Variants in CRTAC1 observed in about 807,000 individuals in gnomAD.
CRTAC1 encodes cartilage acidic protein 1.
In CRTAC1, 37 loss-of-function variants were observed where a neutral mutation model predicts 67.8. The ratio of observed to expected loss-of-function variants is 0.55; its 90% confidence interval spans 0.42 to 0.72. The LOEUF (loss-of-function observed/expected upper bound fraction) is 0.72. Among genes scored for constraint, CRTAC1 ranks in the 30% least tolerant of loss-of-function variants. The probability of loss-of-function intolerance (pLI) is 0.00; values close to 1 mark genes in which losing one functional copy is unlikely to be tolerated. For missense variants in CRTAC1, 780 were observed against 931.6 expected, an observed-to-expected ratio of 0.84 and a Z score of 2.12; for synonymous variants, 348 against 371.0, an observed-to-expected ratio of 0.94 and a Z score of 0.71.
At chr10:97,901,437 C>T in intron 8 of CRTAC1, 66 bp downstream of exon 8, 2 of 1,603,680 alleles carry the variant, frequency 1.2e-6, no homozygotes, top group Admixed American at 1.7e-5. Context: ...CTTAAACCTT[C>T]TCCCTGACCG....
Position 97,884,357 on chromosome 10 carries a change from G to T in CRTAC1, c.1487-6C>A. The stretch of plus-strand genomic sequence containing the variant: ...ACTGCTGGCTTCATCCTTCCCTGAG[G>T]GGCAGAAGGAGAGAGCATCAGCAGC... On this transcript the variant is annotated splice_region_variant and splice_polypyrimidine_tract_variant and intron_variant, in intron 11 of 14. Transcript: ENST00000370597. 6.4e-7 allele frequency: 1 copy of T among 1,550,944 alleles called. No individual in the cohort carries two copies. Among genetic ancestry groups the T allele is most frequent in the Non-Finnish European group, 8.7e-7 (1 of 1,146,928 alleles).
chr10:97,892,031 C>A (rs2050382185), intron 11 of CRTAC1, among the ~76,000 whole-genome samples: 1 of 152,166 alleles, frequency 6.6e-6, no homozygotes, highest in Non-Finnish European at 1.5e-5. Flanking sequence ...AAGAACAAAT[C>A]CCAGGGCCTT....
At chr10:97,943,775 C>T (rs2051215861) in intron 2 of CRTAC1, among the ~76,000 whole-genome samples, 1 of 152,336 alleles carries the variant, frequency 6.6e-6, no homozygotes, top group South Asian at 2.1e-4. Flanking sequence ...CACTTATGTA[C>T]TATCTATGGC....
At chr10:98,026,782 C>G (rs1843241963) in intron 1 of CRTAC1, among the ~76,000 whole-genome samples, 1 of 152,178 alleles carries the variant, frequency 6.6e-6, no homozygotes, top group African/African-American at 2.4e-5. Flanking sequence ...TCTGGCTTGG[C>G]AGCAGTGGGT....
In CRTAC1 at chr10:97,884,345, T is replaced by A; in HGVS notation, c.1493A>T (p.Asp498Val). The A allele has an allele frequency of 6.4e-7, 1 of 1,551,368 alleles. No individual in the cohort carries two copies. The highest frequency in any genetic ancestry group is 8.7e-7 in the Non-Finnish European group (1 of 1,147,144). ...EPVAHFGLGK[D>V]EASSVEVTWP... ...CGTCACCTCCACACTGCTGGCTTCA[T>A]CCTTCCCTGAGGGGCAGAAGGAGAG... The change falls in exon 12 of 15, where the codon GAT becomes GTT. Residue 498 changes from aspartate to valine, a missense_variant. Transcript: ENST00000370597.
chr10:98,002,246 G>A (rs769945286), intron 2 of CRTAC1, among the ~76,000 whole-genome samples: 2 of 152,236 alleles, frequency 1.3e-5, no homozygotes, highest in Non-Finnish European at 2.9e-5. Flanking sequence ...GTTTTCAGCA[G>A]AGGCATTTTT....
chr10:97,893,907 G>A (rs2050413915), intron 11 of CRTAC1, among the ~76,000 whole-genome samples: 1 of 152,180 alleles, frequency 6.6e-6, no homozygotes. Context: ...GTGCCCTGGT[G>A]ATCTACCAAG....
chr10:97,938,669 A>G (rs2051126388), intron 2 of CRTAC1, among the ~76,000 whole-genome samples: 1 of 152,172 alleles, frequency 6.6e-6, no homozygotes, highest in Non-Finnish European at 1.5e-5. Context: ...CTTCACAGAG[A>G]TGCAGATGGC....
At chr10:97,993,433 C>G (rs185654196) in intron 2 of CRTAC1, among the ~76,000 whole-genome samples, 1 of 152,168 alleles carries the variant, frequency 6.6e-6, no homozygotes, top group Non-Finnish European at 1.5e-5. Context: ...TGAGTGTCTT[C>G]GCTGTAGCAA....
chr10:97,912,184 T>C (rs1044607539), intron 5 of CRTAC1, among the ~76,000 whole-genome samples: 2 of 152,156 alleles, frequency 1.3e-5, no homozygotes, highest in African/African-American at 4.8e-5. Flanking sequence ...CCTTGGAAAA[T>C]GTCAGGTGCC....
At chr10:97,896,620 G>T (rs2050462267) in intron 9 of CRTAC1, among the ~76,000 whole-genome samples, 1 of 152,126 alleles carries the variant, frequency 6.6e-6, no homozygotes, top group African/African-American at 2.4e-5. Flanking sequence ...ACCTGGCAAG[G>T]CATGGCCAGA....
Position 97,923,325 on chromosome 10 carries a change from T to C in CRTAC1, c.497A>G (p.Asn166Ser), listed in dbSNP as rs2050867588. 1.4e-5 allele frequency: 23 copies of C among 1,614,030 alleles called. No individual in the cohort carries two copies. Among genetic ancestry groups the C allele is most frequent in the Non-Finnish European group, 1.8e-5 (21 of 1,180,046 alleles). The change falls in exon 4 of 15, where the codon AAC (asparagine) becomes AGC (serine). Residue 166 changes from asparagine to serine, a missense_variant. Asn to Ser is a conservative substitution (Grantham distance 46). Coordinates refer to ENST00000370597, the MANE Select transcript of CRTAC1 (RefSeq NM_018058.7). ...GAGGCTGGCCACACCACGGGCCACG[T>C]TGACCTCATCGCTCAGGATGTCTTC... ...RWEDILSDEV[N>S]VARGVASLFA...
rs1186001758 is a variant in CRTAC1, at chr10:98,030,571, C to T, written c.-99G>A. 17 of 842,394 alleles carry T rather than the reference C, an allele frequency of 2.0e-5. No homozygotes were observed. The highest frequency in any genetic ancestry group is 4.4e-5 in the Admixed American group (1 of 22,692). 52.2% of individuals were successfully genotyped at this position (842,394 alleles called of 1,614,324 possible). On this transcript the variant is annotated 5_prime_UTR_variant, in exon 1 of 15. Coordinates refer to ENST00000370597, the MANE Select transcript of CRTAC1 (RefSeq NM_018058.7). The surrounding 1 kb of genome is among the most constrained non-coding windows in gnomAD (Gnocchi z 4.2). ...CCGCCTGCTTGCTCCCAGCCCCGGT[C>T]CCGGGCTGGCCTCGAGCCTCCCGCC...
intron 2 of CRTAC1, among the ~76,000 whole-genome samples, chr10:98,002,761 C>CTGT (rs771351655): frequency 0.013 from 493 of 37,302 alleles, 56 homozygotes; most frequent in South Asian, 0.035. Context: ...ACAAAACTCA[C>CTGT]TTTTTTTTTT....
At position 97,889,685 on chromosome 10, in the gene CRTAC1, C is replaced by T. The variant is rs146253403; in HGVS notation, c.1487-5334G>A. Reference sequence around the variant, plus strand: ...GCTGAGGCTGTCTGAGAGATGCACACGTGTACACACTCACATACATGTCCG... The same window carrying T: ...GCTGAGGCTGTCTGAGAGATGCACATGTGTACACACTCACATACATGTCCG... On this transcript the variant is annotated intron_variant, in intron 11 of 14. Transcript: ENST00000370597. Among the ~76,000 whole-genome samples the T allele has an allele frequency of 2.1e-3, 321 of 152,230 alleles. 2 individuals are homozygous for T. Among genetic ancestry groups the T allele is most frequent in the South Asian group, 0.011 (55 of 4,820 alleles).
At chr10:98,019,686 C>T (rs914522915) in intron 1 of CRTAC1, among the ~76,000 whole-genome samples, 3 of 152,330 alleles carry the variant, frequency 2.0e-5, no homozygotes, top group African/African-American at 4.8e-5. Flanking sequence ...TGCCTCCCTG[C>T]AAGGGCCACT....
rs370948741 is a variant in CRTAC1, at chr10:97,895,895, C to T, written c.1307G>A (p.Arg436Gln). Reference sequence around the variant, plus strand: ...GAGGTCTTAGCGCACCTGATTGCCCCGGAAGACGGACAGCGGCTGAGCCAT... The same window carrying T: ...GAGGTCTTAGCGCACCTGATTGCCCTGGAAGACGGACAGCGGCTGAGCCAT... ...ESMAQPLSVF[R>Q]GNQGFNNNWL... Residue 436 changes from arginine (R) to glutamine (Q), a missense_variant, in exon 10 of 15, where the codon CGG (arginine) becomes CAG (glutamine). Physicochemically the swap from Arg to Gln is conservative, Grantham distance 43. Coordinates refer to ENST00000370597, the MANE Select transcript of CRTAC1 (RefSeq NM_018058.7). The surrounding 1 kb of genome is among the most constrained non-coding windows in gnomAD (Gnocchi z 4.2). The T allele has an allele frequency of 1.4e-5, 23 of 1,613,056 alleles. No homozygotes were observed. Among genetic ancestry groups the T allele is most frequent in the South Asian group, 6.6e-5 (6 of 91,060 alleles).
chr10:97,959,209 A>G (rs939278914), intron 2 of CRTAC1, among the ~76,000 whole-genome samples: 9 of 152,202 alleles, frequency 5.9e-5, no homozygotes, highest in African/African-American at 9.7e-5. Context: ...TTGGGAGGAC[A>G]CACAAATCTG....
chr10:97,878,673 A>G, intron 14 of CRTAC1: 1 of 1,303,858 alleles, frequency 7.7e-7, no homozygotes, highest in Non-Finnish European at 1.0e-6. Flanking sequence ...TGCAGAGACC[A>G]AGTAGCAAGG....
Sources: gnomAD v4.1 joint callset for allele counts (sites outside exome capture counted in the v4.1 genomes callset) on GRCh38, gnomAD v4.1.1 for gene constraint, Gnocchi (gnomAD v3.1) non-coding constraint, MANE v1.5 for transcripts, NCBI Gene and HGNC (gene_info 2026-07-23, HGNC 2026-07-21) for gene names.